IMMP2L: variants seen among roughly 807,000 people sequenced by gnomAD.
The protein encoded by IMMP2L is inner mitochondrial membrane peptidase subunit 2, also known as mitochondrial inner membrane protease subunit 2.
A neutral mutation model predicts 19.3 loss-of-function variants in IMMP2L; 18 were observed. The ratio of observed to expected loss-of-function variants is 0.93; its 90% CI spans 0.64 to 1.38. The LOEUF is 1.38. Ranked by LOEUF, IMMP2L falls within the 40% of genes most tolerant of loss-of-function variation. The pLI is 0.00. For synonymous variants in IMMP2L, 76 were observed against 73.0 expected (o/e 1.04, Z -0.21); for missense variants, 233 against 218.2 (o/e 1.07, Z -0.43).
chr7:111,122,861 C>A, intron 3 of IMMP2L: 1 of 1,613,910 alleles, frequency 6.2e-7, no homozygotes, highest in Non-Finnish European at 8.5e-7. Flanking sequence ...GTGGATTGTC[C>A]ACGGTTATGT....
intron 5 of IMMP2L, among the ~76,000 whole-genome samples, chr7:110,688,708 GTAGCTA>G (rs1793285248): frequency 6.6e-6 from 1 of 151,954 alleles, no homozygotes; most frequent in Non-Finnish European, 1.5e-5. Flanking sequence ...AAATGATGAT[GTAGCTA>G]TACTGACAAT....
chr7:111,156,093 A>T (rs986691759), intron 3 of IMMP2L, among the ~76,000 whole-genome samples: 1 of 152,008 alleles, frequency 6.6e-6, no homozygotes, highest in African/African-American at 2.4e-5. Flanking sequence ...CAAGATTTTT[A>T]TTATTTCTAT....
rs1792120603 is a variant in IMMP2L, at chr7:111,561,975, A to C, written c.-127T>G. On this transcript the variant is annotated 5_prime_UTR_variant, in exon 1 of 6. Transcript: ENST00000405709. ...ACGTGCTTTAAAATCATGTTGTTCA[A>C]GCCTGACGCTCTCCCACCACCTGCC... The C allele has an allele frequency of 6.5e-6, 1 of 152,696 alleles. No homozygotes were observed. The highest frequency in any genetic ancestry group is 2.1e-4 in the South Asian group (1 of 4,824). 9.5% of individuals were successfully genotyped at this position (152,696 alleles called of 1,614,324 possible). A position where few individuals can be genotyped will look rare whatever the true frequency, so the allele number is the denominator to read the frequency against.
chr7:110,683,249 A>G (rs1792859336), intron 5 of IMMP2L, among the ~76,000 whole-genome samples: 2 of 152,118 alleles, frequency 1.3e-5, no homozygotes, highest in South Asian at 4.1e-4. Context: ...ATAATGTAAA[A>G]CCTCTCAGTA....
chr7:111,373,938 G>A (rs984788597), intron 3 of IMMP2L, among the ~76,000 whole-genome samples: 1 of 151,948 alleles, frequency 6.6e-6, no homozygotes, highest in African/African-American at 2.4e-5. Flanking sequence ...AATCGAAGTT[G>A]AGGTGGGTTT....
chr7:111,383,966 G>A (rs987819246), intron 3 of IMMP2L, among the ~76,000 whole-genome samples: 2 of 152,036 alleles, frequency 1.3e-5, no homozygotes, highest in South Asian at 2.1e-4. Context: ...TTAAGCACTT[G>A]GTTATAATTA....
At chr7:111,281,237 AAAGAAAGAAG>A (rs1819827726) in intron 3 of IMMP2L, among the ~76,000 whole-genome samples, 3 of 136,214 alleles carry the variant, frequency 2.2e-5, no homozygotes, top group African/African-American at 5.9e-5. Context: ...AGAAAGAAAG[AAAGAAAGAAG>A]AGAGAGAGAG....
intron 4 of IMMP2L, among the ~76,000 whole-genome samples, chr7:110,887,958 T>C (rs556436183): frequency 6.6e-6 from 1 of 152,130 alleles, no homozygotes; most frequent in Non-Finnish European, 1.5e-5. Context: ...TGCAGAATAA[T>C]GTATTTTAAA....
chr7:111,168,596 C>A (rs967947877), intron 3 of IMMP2L, among the ~76,000 whole-genome samples: 3 of 151,922 alleles, frequency 2.0e-5, no homozygotes, highest in Non-Finnish European at 2.9e-5. Flanking sequence ...TTTGAAGCAC[C>A]TTCCATATTG....
At chr7:111,148,065 T>C (rs184189527) in intron 3 of IMMP2L, among the ~76,000 whole-genome samples, 23 of 152,232 alleles carry the variant, frequency 1.5e-4, no homozygotes, top group Non-Finnish European at 3.2e-4. Flanking sequence ...CCAGTGTTCA[T>C]AGTAACATTA....
chr7:111,277,956 C>T (rs1016641604), intron 3 of IMMP2L, among the ~76,000 whole-genome samples: 2 of 152,052 alleles, frequency 1.3e-5, no homozygotes, highest in African/African-American at 4.8e-5. Context: ...GAACTGAAGG[C>T]CATTATCCTT....
At chr7:111,001,250 T>C (rs531798609) in intron 3 of IMMP2L, among the ~76,000 whole-genome samples, 1 of 152,342 alleles carries the variant, frequency 6.6e-6, no homozygotes. Flanking sequence ...GTTTTACTCA[T>C]AAAATAATGT....
intron 3 of IMMP2L, among the ~76,000 whole-genome samples, chr7:111,452,024 C>T (rs1563210123): frequency 6.6e-6 from 1 of 152,042 alleles, no homozygotes; most frequent in Non-Finnish European, 1.5e-5. Flanking sequence ...ATCTCCCTTC[C>T]TACTGTCCTT....
chr7:111,275,343 CTTGTTAAAAAGAAAGTTTATGTT>C (rs1818907715), intron 3 of IMMP2L, among the ~76,000 whole-genome samples: 2 of 152,090 alleles, frequency 1.3e-5, no homozygotes, highest in African/African-American at 4.8e-5. Flanking sequence ...GGAGAATTAG[CTTGTTAAAAAGAAAGTTTATGTT>C]CTGAATTGAA....
At chr7:111,392,065 T>C (rs1563136617) in intron 3 of IMMP2L, 1 of 695,302 alleles carries the variant, frequency 1.4e-6, no homozygotes, top group Non-Finnish European at 2.6e-6. Context: ...TGCATTTATA[T>C]CCAGCATACA....
At chr7:111,316,579 T>C (rs1315296011) in intron 3 of IMMP2L, among the ~76,000 whole-genome samples, 2 of 152,078 alleles carry the variant, frequency 1.3e-5, no homozygotes, top group African/African-American at 4.8e-5. Context: ...ACGAGGGCCA[T>C]AAATTTAACA....
At chr7:110,970,273 AAC>A (rs1820009647) in intron 3 of IMMP2L, among the ~76,000 whole-genome samples, 1 of 152,184 alleles carries the variant, frequency 6.6e-6, no homozygotes, top group Non-Finnish European at 1.5e-5. Flanking sequence ...ATTAATTTCC[AAC>A]AGTTTGTTAA....
intron 5 of IMMP2L, among the ~76,000 whole-genome samples, chr7:110,880,861 TCTAATGACAA>T (rs1809567966): frequency 6.6e-6 from 1 of 152,070 alleles, no homozygotes; most frequent in Non-Finnish European, 1.5e-5. Context: ...AGCAATGAAG[TCTAATGACAA>T]TTCTGCTGAC....
chr7:110,775,506 G>A (rs1482974660), intron 5 of IMMP2L, among the ~76,000 whole-genome samples: 2 of 151,930 alleles, frequency 1.3e-5, no homozygotes, highest in African/African-American at 4.8e-5. Context: ...CATGACTAGA[G>A]AGCAGCCCAT....
Sources: gnomAD v4.1 joint callset for allele counts (sites outside exome capture counted in the v4.1 genomes callset) on GRCh38, gnomAD v4.1.1 for gene constraint, MANE v1.5 for transcripts, NCBI Gene and HGNC (gene_info 2026-07-23, HGNC 2026-07-21) for gene names.